TTC3: variants seen among roughly 807,000 people sequenced by gnomAD.
The protein encoded by TTC3 is tetratricopeptide repeat domain 3.
Under a neutral mutation model 249.6 loss-of-function variants are expected in TTC3, and 180 were observed. The ratio of observed to expected loss-of-function variants is 0.72; its 90% confidence interval spans 0.64 to 0.82. The LOEUF is 0.82. Among genes scored for constraint, TTC3 ranks in the 40% least tolerant of loss-of-function variants. TTC3 has a pLI of 0.00. For missense variants in TTC3, 2,061 were observed against 2,398.4 expected, an observed-to-expected ratio of 0.86 and a Z score of 2.94; for synonymous variants, 717 against 805.0, an observed-to-expected ratio of 0.89 and a Z score of 1.85.
intron 35 of TTC3, among the ~76,000 whole-genome samples, chr21:37,176,628 A>G (rs1258879856): frequency 6.6e-6 from 1 of 152,222 alleles, no homozygotes; most frequent in African/African-American, 2.4e-5. Flanking sequence ...TTTTAAATCT[A>G]TCATTTATGA....
intron 24 of TTC3, 43 bp downstream of exon 24, chr21:37,150,213 T>C (rs2148005036): frequency 7.5e-7 from 1 of 1,337,964 alleles, no homozygotes; most frequent in Non-Finnish European, 1.1e-6. Context: ...ATAACCAAAA[T>C]GTTTACACCT....
At chr21:37,089,087 G>A (rs1044052796) in intron 5 of TTC3, among the ~76,000 whole-genome samples, 5 of 152,182 alleles carry the variant, frequency 3.3e-5, no homozygotes, top group African/African-American at 7.2e-5. Context: ...ATGGTTCTAC[G>A]CTGGGGACCA....
At chr21:37,096,610 G>A (rs752864471) in exon 10 of TTC3, 15 of 1,612,066 alleles carry the variant, frequency 9.3e-6, no homozygotes, top group Non-Finnish European at 1.2e-5. Flanking sequence ...TATGGTAACC[G>A]AGCTCTTTGT....
chr21:37,076,694 ATTTTTTTTTTT>A (rs61629167), intron 1 of TTC3, among the ~76,000 whole-genome samples: 135 of 94,994 alleles, frequency 1.4e-3, no homozygotes, highest in African/African-American at 3.0e-3. Flanking sequence ...AAACAAAGGG[ATTTTTTTTTTT>A]TTTTTTTTTT....
intron 28 of TTC3, 135 bp from the exon 29 acceptor site, chr21:37,159,564 A>G (rs1013461012): frequency 2.0e-6 from 2 of 981,988 alleles, no homozygotes; most frequent in African/African-American, 1.7e-5. Context: ...TCTAAACTAC[A>G]CTTGTGTCAA....
At chr21:37,094,571 A>G (rs191640087) in intron 8 of TTC3, among the ~76,000 whole-genome samples, 2 of 152,328 alleles carry the variant, frequency 1.3e-5, no homozygotes, top group Admixed American at 1.3e-4. Context: ...ATGCTTTGCA[A>G]TTAATCTAAT....
intron 1 of TTC3, among the ~76,000 whole-genome samples, chr21:37,074,189 G>T (rs936441921): frequency 1.3e-5 from 2 of 152,134 alleles, no homozygotes. Context: ...CGCTCCCCTC[G>T]CCCCCGCGCC....
intron 28 of TTC3, chr21:37,157,111 C>T (rs2080173761): frequency 2.1e-6 from 3 of 1,416,400 alleles, no homozygotes; most frequent in Middle Eastern, 1.8e-4. Flanking sequence ...AAGAGATACT[C>T]AAATGTAGGT....
At chr21:37,165,611 G>A (rs995788733) in exon 33 of TTC3, 53 of 1,613,912 alleles carry the variant, frequency 3.3e-5, no homozygotes, top group Non-Finnish European at 3.4e-6. Flanking sequence ...GATGTTCTCT[G>A]CAGAATATGA....
intron 10 of TTC3, among the ~76,000 whole-genome samples, chr21:37,101,531 A>G (rs2074502835): frequency 6.8e-6 from 1 of 148,082 alleles, no homozygotes; most frequent in Non-Finnish European, 1.5e-5. Context: ...ACAGTAACAA[A>G]TGCACATGGT....
intron 39 of TTC3, among the ~76,000 whole-genome samples, chr21:37,190,549 C>T (rs2083950232): frequency 6.6e-6 from 1 of 152,124 alleles, no homozygotes; most frequent in Non-Finnish European, 1.5e-5. Context: ...AAGTGGTAGT[C>T]AACCGCCTGT....
chr21:37,155,447 T>C (rs2079959675), intron 27 of TTC3, among the ~76,000 whole-genome samples: 1 of 152,212 alleles, frequency 6.6e-6, no homozygotes, highest in Non-Finnish European at 1.5e-5. Flanking sequence ...CATTGGGCTC[T>C]CATAAATCTT....
At chr21:37,139,463 A>G (rs2078239485) in intron 19 of TTC3, among the ~76,000 whole-genome samples, 3 of 152,142 alleles carry the variant, frequency 2.0e-5, no homozygotes, top group African/African-American at 7.2e-5. Flanking sequence ...CTCTAGAATT[A>G]CCTCAAGTAT....
At chr21:37,176,039 G>GGGAAGGCACCGTGCCTGGCC (rs1324889680) in intron 35 of TTC3, among the ~76,000 whole-genome samples, 1 of 152,170 alleles carries the variant, frequency 6.6e-6, no homozygotes, top group African/African-American at 2.4e-5. Context: ...CCAAAGTGCT[G>GGGAAGGCACCGTGCCTGGCC]GGAAGGCACC....
intron 44 of TTC3, 52 bp from the exon 45 acceptor site, chr21:37,200,180 A>G (rs372007473): frequency 3.2e-6 from 5 of 1,559,896 alleles, no homozygotes; most frequent in East Asian, 2.3e-5. Context: ...AACTCGTGTC[A>G]TAAAAACAAC....
chr21:37,138,806 G>T (rs902754378), intron 19 of TTC3, 92 bp downstream of exon 19: 4 of 791,532 alleles, frequency 5.1e-6, no homozygotes, highest in Non-Finnish European at 7.7e-6. Context: ...TTTCTTCTCT[G>T]TACCTTCTGA....
At chr21:37,166,194 A>T (rs775571101) in exon 33 of TTC3, 1 of 1,614,092 alleles carries the variant, frequency 6.2e-7, no homozygotes, top group East Asian at 2.2e-5. Flanking sequence ...CAGAGATTTG[A>T]TATCACCCAG....
intron 19 of TTC3, 74 bp from the exon 20 acceptor site, chr21:37,140,487 T>C: frequency 9.5e-7 from 1 of 1,054,012 alleles, no homozygotes; most frequent in Non-Finnish European, 1.3e-6. Flanking sequence ...ATAAAAAAAA[T>C]CAACCTTTAG....
chr21:37,167,559 C>G (rs1309945824), exon 34 of TTC3: 3 of 1,607,706 alleles, frequency 1.9e-6, no homozygotes, highest in Non-Finnish European at 2.5e-6. Context: ...CCACAGGTAT[C>G]TTGGAACATA....
Sources: gnomAD v4.1 joint callset for allele counts (sites outside exome capture counted in the v4.1 genomes callset) on GRCh38, gnomAD v4.1.1 for gene constraint, MANE v1.5 for transcripts, NCBI Gene and HGNC (gene_info 2026-07-23, HGNC 2026-07-21) for gene names.